RPTOR: variants seen among roughly 807,000 people sequenced by gnomAD.
RPTOR encodes regulatory associated protein of MTOR complex 1, also known as regulatory-associated protein of mTOR.
RPTOR carries 21 observed loss-of-function variants against 169.9 expected under a neutral mutation model. The observed-to-expected ratio is 0.12, with a 90% CI of 0.09 to 0.18. The LOEUF is 0.18. RPTOR is among the 10% of genes least tolerant of loss of function. The pLI, the probability that RPTOR is intolerant of heterozygous loss-of-function variation, is 1.00. For missense variants in RPTOR, 1,133 were observed against 1,855.9 expected (o/e 0.61, Z 7.16); for synonymous variants, 732 against 753.2 (o/e 0.97, Z 0.46).
At chr17:80,854,338 T>G (rs796517871) in intron 11 of RPTOR, among the ~76,000 whole-genome samples, 18 of 152,356 alleles carry the variant, frequency 1.2e-4, no homozygotes, top group African/African-American at 4.3e-4. Flanking sequence ...TATGAATTAA[T>G]AAATCAAGGC....
At chr17:80,744,951 A>ACT in intron 5 of RPTOR, among the ~76,000 whole-genome samples, 1 of 142,202 alleles carries the variant, frequency 7.0e-6, no homozygotes, top group African/African-American at 3.0e-5. Flanking sequence ...GGTTACTAGC[A>ACT]GAGCCCTGGC....
intron 5 of RPTOR, chr17:80,743,184 G>A (rs865957387): frequency 9.3e-6 from 9 of 968,904 alleles, no homozygotes; most frequent in African/African-American, 3.5e-5. Flanking sequence ...CTGTCTTCCC[G>A]TCTCTCTCCT....
At chr17:80,773,294 A>T (rs1392971250) in intron 6 of RPTOR, among the ~76,000 whole-genome samples, 4 of 152,312 alleles carry the variant, frequency 2.6e-5, no homozygotes, top group African/African-American at 9.6e-5. Context: ...GCTAGTGGGG[A>T]CTTCTCTGTT....
chr17:80,643,932 C>A, intron 3 of RPTOR, 122 bp downstream of exon 3: 1 of 733,258 alleles, frequency 1.4e-6, no homozygotes, highest in Non-Finnish European at 2.2e-6. Context: ...TGTGGCATGG[C>A]GCCTGCGCAC....
intron 13 of RPTOR, among the ~76,000 whole-genome samples, chr17:80,868,742 G>A (rs527764245): frequency 2.6e-5 from 4 of 152,214 alleles, no homozygotes; most frequent in Admixed American, 6.5e-5. Flanking sequence ...ATTAACAAGC[G>A]GATGAATAAG....
At chr17:80,850,857 G>A (rs567844692) in intron 11 of RPTOR, among the ~76,000 whole-genome samples, 1 of 152,346 alleles carries the variant, frequency 6.6e-6, no homozygotes, top group South Asian at 2.1e-4. Flanking sequence ...GGCTGGAACT[G>A]GAGAATCTTT....
In RPTOR at chr17:80,964,343, G is replaced by A. The variant is rs374421166; in HGVS notation, c.*13G>A. On this transcript the variant is annotated 3_prime_UTR_variant, in exon 34 of 34. Coordinates refer to ENST00000306801, the MANE Select transcript of RPTOR (RefSeq NM_020761.3). ...GCGTGTCAGATAGCGGCGTGACCCG[G>A]GCCCACCAGGCCACGGCCGCCTGCT... is the stretch of plus-strand genomic sequence containing the variant. The A allele has an allele frequency of 6.8e-5, 109 of 1,604,606 alleles. No homozygotes were observed. The African/African-American group carries it at 1.4e-3, about 21-fold the overall frequency.
Position 80,634,325 on chromosome 17 carries a change from A to ATGTGCGTGTGCATAC in RPTOR, c.265+8543_265+8544insATACTGTGCGTGTGC, listed in dbSNP as rs1567830593. Among the ~76,000 whole-genome samples the ATGTGCGTGTGCATAC allele has an allele frequency of 8.1e-3, 145 of 18,008 alleles. 33 individuals carry two copies. Among genetic ancestry groups the ATGTGCGTGTGCATAC allele is most frequent in the Non-Finnish European group, 0.01 (94 of 9,052 alleles). 11.8% of individuals were successfully genotyped at this position (18,008 alleles called of 152,430 possible). On this transcript the variant is annotated intron_variant, in intron 2 of 33. Transcript: ENST00000306801. The stretch of plus-strand genomic sequence containing the variant: ...TGTGCGTACTGTGCGTGTGCGTACT[A>ATGTGCGTGTGCATAC]TGTGCGTGTGCGTACTGTGTGCATG...
chr17:80,592,008 G>A (rs1166806962), intron 1 of RPTOR, among the ~76,000 whole-genome samples: 2 of 152,150 alleles, frequency 1.3e-5, no homozygotes, highest in African/African-American at 4.8e-5. Context: ...CTGTCTTCTT[G>A]TGATGGATGC....
At chr17:80,745,596 A>G (rs770340071) in intron 5 of RPTOR, among the ~76,000 whole-genome samples, 3 of 152,228 alleles carry the variant, frequency 2.0e-5, no homozygotes, top group Non-Finnish European at 4.4e-5. Flanking sequence ...ATCTTTGACT[A>G]TTAATAGAGT....
intron 25 of RPTOR, among the ~76,000 whole-genome samples, chr17:80,940,871 C>T (rs755312374): frequency 4.6e-5 from 7 of 152,230 alleles, no homozygotes; most frequent in Non-Finnish European, 1.0e-4. Context: ...GAAGAGGGCT[C>T]TCCCGGGACC....
intron 7 of RPTOR, among the ~76,000 whole-genome samples, chr17:80,792,321 A>C (rs1028354714): frequency 3.3e-5 from 5 of 152,222 alleles, no homozygotes; most frequent in Non-Finnish European, 7.3e-5. Context: ...AATTTACTAA[A>C]TTAGGCAGGA....
chr17:80,725,996 G>A (rs982426105), intron 4 of RPTOR, among the ~76,000 whole-genome samples: 1 of 152,218 alleles, frequency 6.6e-6, no homozygotes, highest in East Asian at 1.9e-4. Context: ...ACATCTAGGT[G>A]TGGGGGTGGC....
chr17:80,565,499 G>C (rs1237404281), intron 1 of RPTOR, among the ~76,000 whole-genome samples: 2 of 152,214 alleles, frequency 1.3e-5, no homozygotes, highest in Admixed American at 6.5e-5. Flanking sequence ...GTGCAGGGGA[G>C]AGTCAAGGCA....
intron 6 of RPTOR, among the ~76,000 whole-genome samples, chr17:80,779,225 T>C (rs2066917076): frequency 6.6e-6 from 1 of 152,142 alleles, no homozygotes; most frequent in Admixed American, 6.5e-5. Flanking sequence ...CATTCAGTGG[T>C]TTCAACTTCT....
intron 6 of RPTOR, among the ~76,000 whole-genome samples, chr17:80,779,029 G>T (rs1206775966): frequency 6.6e-6 from 1 of 152,212 alleles, no homozygotes; most frequent in African/African-American, 2.4e-5. Context: ...AAGACATACA[G>T]TTTGTACCTG....
intron 20 of RPTOR, among the ~76,000 whole-genome samples, chr17:80,903,292 A>G (rs1218340808): frequency 1.3e-5 from 2 of 152,162 alleles, no homozygotes; most frequent in African/African-American, 4.8e-5. Context: ...TCTGCGGGAG[A>G]GCTGGTGTCA....
Position 80,584,583 on chromosome 17 carries a change from A to T in RPTOR, c.162+38792A>T, listed in dbSNP as rs573440840. ...TGTGTTACTCCGTTTACCATGTCTC[A>T]ATAAAATGGCAGAGAAAGTCCTTTT... is the stretch of plus-strand genomic sequence containing the variant. On this transcript the variant is annotated intron_variant, in intron 1 of 33. Coordinates refer to ENST00000306801, the MANE Select transcript of RPTOR (RefSeq NM_020761.3). Among the ~76,000 whole-genome samples, 48 of 152,266 alleles carry T rather than the reference A, an allele frequency of 3.2e-4. 1 individual carries two copies. Among genetic ancestry groups the T allele is most frequent in the African/African-American group, 1.1e-3 (45 of 41,564 alleles).
chr17:80,857,910 C>T lies in RPTOR; in HGVS notation c.1509+10C>T, dbSNP rs1278175672. 3.1e-6 allele frequency: 5 copies of T among 1,599,276 alleles called. No homozygotes were observed. Among genetic ancestry groups the T allele is most frequent in the Non-Finnish European group, 4.3e-6 (5 of 1,167,578 alleles). On this transcript the variant is annotated intron_variant, in intron 13 of 33. Transcript: ENST00000306801. ...CCTCGCAGTGGACAGCGTGAGTATC[C>T]CCGCCCTCCTCCCCAGAGTGATGTG...
Sources: gnomAD v4.1 joint callset for allele counts (sites outside exome capture counted in the v4.1 genomes callset) on GRCh38, gnomAD v4.1.1 for gene constraint, MANE v1.5 for transcripts, NCBI Gene and HGNC (gene_info 2026-07-23, HGNC 2026-07-21) for gene names.